The following ZNF487 variants were observed in gnomAD, a reference collection of about 807,000 sequenced individuals.
ZNF487 encodes the protein KRAB domain only 1.
ZNF487 carries 4 observed loss-of-function variants against 3.0 expected under a neutral mutation model. The observed-to-expected ratio is 1.35, with a 90% CI of 0.66 to 3.08. The LOEUF (loss-of-function observed/expected upper bound fraction) is 3.08, where lower values mean the gene tolerates loss of function less well. ZNF487 is among the 30% of genes most tolerant of loss of function. The pLI is 0.01. For synonymous variants in ZNF487, 55 were observed against 34.6 expected, an observed-to-expected ratio of 1.59 and a Z score of -2.06; for missense variants, 146 against 98.7, an observed-to-expected ratio of 1.48 and a Z score of -2.03.
chr10:43,481,221 C>A (rs1826725756), intron 3 of ZNF487, among the ~76,000 whole-genome samples: 1 of 151,830 alleles, frequency 6.6e-6, no homozygotes, highest in Non-Finnish European at 1.5e-5. Context: ...ATCCCATTTA[C>A]TCGAGAAGCT....
At chr10:43,460,549 G>A (rs1840394759) in intron 1 of ZNF487, among the ~76,000 whole-genome samples, 1 of 149,440 alleles carries the variant, frequency 6.7e-6, no homozygotes, top group Non-Finnish European at 1.5e-5. Flanking sequence ...CTAATTTTTT[G>A]TATTTTTAGT....
At chr10:43,476,805 T>C (rs917733493) in intron 3 of ZNF487, among the ~76,000 whole-genome samples, 10 of 152,088 alleles carry the variant, frequency 6.6e-5, no homozygotes, top group Non-Finnish European at 1.5e-4. Context: ...CAAGGGGTGA[T>C]GGGGAGCATG....
In ZNF487 at chr10:43,437,181, G is replaced by A; in HGVS notation, c.-175G>A. ...GTAAGTTCCTCAGCTACGACTACCAGGTACCTCGGGTTCCTCCCTCCTCCG... is the reference window on the plus strand; with the variant it reads ...GTAAGTTCCTCAGCTACGACTACCAAGTACCTCGGGTTCCTCCCTCCTCCG... On this transcript the variant is annotated 5_prime_UTR_variant, in exon 1 of 4. Transcript: ENST00000437590. 1 of 264,694 alleles carries A rather than the reference G, an allele frequency of 3.8e-6. No individual in the cohort carries two copies. The allele number at this position is 264,694 out of a possible 1,614,324, so 16.4% of individuals were successfully genotyped here.
intron 1 of ZNF487, among the ~76,000 whole-genome samples, chr10:43,442,271 A>AAC (rs1839641399): frequency 7.3e-5 from 11 of 150,252 alleles, no homozygotes; most frequent in Admixed American, 3.3e-4. Flanking sequence ...ACAACAACAA[A>AAC]AAAAAAACAA....
chr10:43,445,422 A>T (rs980889854), intron 1 of ZNF487, among the ~76,000 whole-genome samples: 6 of 152,092 alleles, frequency 3.9e-5, no homozygotes, highest in Admixed American at 2.6e-4. Context: ...TACTTTTTGG[A>T]TGCAGGATAT....
chr10:43,447,062 C>G (rs1378446938), intron 1 of ZNF487, among the ~76,000 whole-genome samples: 1 of 151,696 alleles, frequency 6.6e-6, no homozygotes, highest in Non-Finnish European at 1.5e-5. Flanking sequence ...GGCAGCGTGC[C>G]CCTACAATCC....
At chr10:43,492,992 A>G in the ZNF487 span, among the ~76,000 whole-genome samples, 1 of 152,054 alleles carries the variant, frequency 6.6e-6, no homozygotes, top group Non-Finnish European at 1.5e-5. Context: ...GCACTTTTGG[A>G]GGCCGAGGCA....
At chr10:43,517,470 G>A in the ZNF487 span, among the ~76,000 whole-genome samples, 2 of 152,192 alleles carry the variant, frequency 1.3e-5, no homozygotes, top group African/African-American at 4.8e-5. Context: ...TCTCCTCAAA[G>A]ACTCCTTTAC....
intron 1 of ZNF487, among the ~76,000 whole-genome samples, chr10:43,473,670 T>C (rs903871168): frequency 6.6e-6 from 1 of 151,876 alleles, no homozygotes. Context: ...AGGCCCCCTT[T>C]TTTTTTTCCC....
the ZNF487 span, among the ~76,000 whole-genome samples, chr10:43,498,114 CTTTTTTTTTTTTTTTTTTTT>C: frequency 4.1e-5 from 1 of 24,618 alleles, no homozygotes; most frequent in Non-Finnish European, 6.5e-5. Flanking sequence ...TTTTTTTTTT[CTTTTTTTTTTTTTTTTTTTT>C]TTTTTTTTTT....
chr10:43,481,676 C>A lies in ZNF487; in HGVS notation c.378C>A (p.Asn126Lys). The A allele has an allele frequency of 1.4e-6, 1 of 700,820 alleles. No homozygotes were observed. Among genetic ancestry groups the A allele is most frequent in the Admixed American group, 2.1e-5 (1 of 46,752 alleles). The allele number at this position is 700,820 out of a possible 1,614,324, so 43.4% of individuals were successfully genotyped here. The change falls in exon 4 of 4, where the codon AAC (asparagine) becomes AAA (lysine). Residue 126 changes from asparagine to lysine, a missense_variant. By Grantham distance (94) the Asn-to-Lys change is moderately conservative. Transcript: ENST00000437590. ...IISNRSSFVR[N>K]PAECNVRGKF... ...GTAATAGAAGCTCCTTTGTAAGGAA[C>A]CCTGCTGAGTGTAATGTACGTGGGA...
intron 1 of ZNF487, among the ~76,000 whole-genome samples, chr10:43,454,927 G>C (rs1263546635): frequency 1.9e-5 from 2 of 104,046 alleles, no homozygotes; most frequent in South Asian, 3.6e-4. Flanking sequence ...AACAGAGCCA[G>C]ACCTTGTCTC....
the ZNF487 span, among the ~76,000 whole-genome samples, chr10:43,503,106 TATC>T: frequency 1.3e-5 from 2 of 151,726 alleles, no homozygotes; most frequent in African/African-American, 4.8e-5. Context: ...AAGGCACTGT[TATC>T]ATAGAGATGG....
intron 1 of ZNF487, among the ~76,000 whole-genome samples, chr10:43,468,449 G>GC (rs1440744840): frequency 6.6e-6 from 1 of 152,012 alleles, no homozygotes; most frequent in Non-Finnish European, 1.5e-5. Context: ...GGAGGCTGAG[G>GC]CAGGTGGATC....
intron 1 of ZNF487, among the ~76,000 whole-genome samples, chr10:43,455,638 T>C (rs1840161683): frequency 1.3e-5 from 2 of 152,174 alleles, no homozygotes; most frequent in Non-Finnish European, 2.9e-5. Flanking sequence ...CGCGGCGCGC[T>C]TGTGGCAGCG....
chr10:43,451,726 T>C (rs1840018570), intron 1 of ZNF487, among the ~76,000 whole-genome samples: 1 of 151,780 alleles, frequency 6.6e-6, no homozygotes, highest in Non-Finnish European at 1.5e-5. Context: ...CCACCACGCC[T>C]GGCTAATTTT....
At chr10:43,511,372 T>G in the ZNF487 span, among the ~76,000 whole-genome samples, 1 of 152,206 alleles carries the variant, frequency 6.6e-6, no homozygotes, top group Non-Finnish European at 1.5e-5. Context: ...CTGTGTGGAA[T>G]ACTGTGATGG....
Position 43,475,842 on chromosome 10 carries a change from C to T in ZNF487, c.29C>T (p.Ser10Leu), listed in dbSNP as rs753051062. Residue 10 changes from serine to leucine, a missense_variant, in exon 2 of 4, where the codon TCA becomes TTA. Transcript: ENST00000437590. MLENYSLLL[S>L]VGYCITKPEV... ...CTGGAGAACTACAGCCTCCTCCTCT[C>T]AGTGGGTAAGGATTATGTAATTTGC... The T allele has an allele frequency of 1.3e-6, 1 of 776,684 alleles. No individual in the cohort carries two copies. The highest frequency in any genetic ancestry group is 2.4e-6 in the Non-Finnish European group (1 of 416,372). 48.1% of individuals were successfully genotyped at this position (776,684 alleles called of 1,614,324 possible). A position where few individuals can be genotyped will look rare whatever the true frequency, so the allele number is the denominator to read the frequency against.
chr10:43,521,569 G>T, the ZNF487 span, among the ~76,000 whole-genome samples: 2 of 152,176 alleles, frequency 1.3e-5, no homozygotes, highest in Non-Finnish European at 2.9e-5. Flanking sequence ...TTTCACCTGG[G>T]AATATGTGTG....
Sources: gnomAD v4.1 joint callset for allele counts (sites outside exome capture counted in the v4.1 genomes callset) on GRCh38, gnomAD v4.1.1 for gene constraint, MANE v1.5 for transcripts, NCBI Gene and HGNC (gene_info 2026-07-23, HGNC 2026-07-21) for gene names.